The following TDRD12 variants were observed in gnomAD, a reference collection of about 807,000 sequenced individuals.
The protein encoded by TDRD12 is putative ATP-dependent RNA helicase TDRD12.
In TDRD12, 158 loss-of-function variants were observed where a neutral mutation model predicts 133.5. The ratio of observed to expected loss-of-function variants is 1.18; its 90% CI spans 1.04 to 1.35. The LOEUF (loss-of-function observed/expected upper bound fraction) is 1.35. Ranked by LOEUF, TDRD12 falls within the 40% of genes most tolerant of loss-of-function variation. TDRD12 has a pLI of 0.00. For missense variants in TDRD12, 1,443 were observed against 1,321.3 expected (o/e 1.09, Z -1.43); for synonymous variants, 460 against 477.9 (o/e 0.96, Z 0.49).
chr19:32,792,828 A>C (rs980975833), intron 13 of TDRD12, among the ~76,000 whole-genome samples: 6 of 152,222 alleles, frequency 3.9e-5, no homozygotes, highest in African/African-American at 1.2e-4. Context: ...CTGGTCCTAC[A>C]CACTGGACCA....
chr19:32,721,864 C>G lies in TDRD12; in HGVS notation c.24+1768C>G, dbSNP rs191486610. On this transcript the variant is annotated intron_variant, in intron 1 of 27. Transcript: ENST00000444215. ...CTGGGACTACAGGCGGCCACCACCA[C>G]GCCTGGCTAATTTTTTTTTTTTTTT... is the stretch of plus-strand genomic sequence containing the variant. 8.6e-3 allele frequency among the ~76,000 whole-genome samples: 1,293 copies of G among 151,022 alleles called. 40 individuals carry two copies. In the East Asian group the frequency reaches 0.1, roughly 12 times the overall value.
chr19:32,822,290 G>C (rs1350227124), downstream of TDRD12, among the ~76,000 whole-genome samples: 2 of 152,234 alleles, frequency 1.3e-5, no homozygotes, highest in African/African-American at 4.8e-5. Flanking sequence ...ATATTAGCCA[G>C]CTGTGGTGGC....
At chr19:32,802,717 C>A in exon 20 of TDRD12, 2 of 1,536,436 alleles carry the variant, frequency 1.3e-6, no homozygotes, top group South Asian at 1.2e-5. Flanking sequence ...TGATTCACTT[C>A]AGTTTCCCTG....
rs551696843 is a variant in TDRD12 at position 32,790,564 on chromosome 19, A to T, written c.1155A>T (p.Arg385Ser). 247 of 1,551,970 alleles carry T rather than the reference A, an allele frequency of 1.6e-4. No individual in the cohort carries two copies. Among genetic ancestry groups the T allele is most frequent in the Non-Finnish European group, 2.1e-4 (237 of 1,147,054 alleles). The change falls in exon 12 of 28, where the codon AGA (arginine) becomes AGT (serine). Residue 385 changes from arginine (R) to serine (S), a missense_variant. Transcript: ENST00000444215. ...AGTTTTTAAATCCTGATCCTTTGAG[A>T]GCTGACGGAATCTCTGATCTCCAGC... is the stretch of plus-strand genomic sequence containing the variant.
intron 6 of TDRD12, among the ~76,000 whole-genome samples, chr19:32,753,071 C>T (rs148726859): frequency 4.6e-5 from 7 of 152,064 alleles, no homozygotes; most frequent in Non-Finnish European, 8.8e-5. Flanking sequence ...GGATTACAGG[C>T]GTGAGCCACC....
intron 11 of TDRD12, among the ~76,000 whole-genome samples, chr19:32,782,460 AT>A (rs1257055457): frequency 1.3e-5 from 2 of 152,218 alleles, no homozygotes; most frequent in East Asian, 3.8e-4. Flanking sequence ...AGAATGATTT[AT>A]AATCCTTTGG....
intron 1 of TDRD12, among the ~76,000 whole-genome samples, chr19:32,727,128 A>G (rs746107242): frequency 2.6e-5 from 4 of 152,122 alleles, no homozygotes; most frequent in Non-Finnish European, 5.9e-5. Flanking sequence ...CTTCCAGCAC[A>G]CTGAATTTTC....
chr19:32,725,460 A>G (rs954716392), intron 1 of TDRD12, among the ~76,000 whole-genome samples: 2 of 152,128 alleles, frequency 1.3e-5, no homozygotes, highest in Admixed American at 1.3e-4. Context: ...AGCACCATTT[A>G]TTAAATAGGG....
rs528655910 is a variant in TDRD12 at position 32,790,563 on chromosome 19, G to A, written c.1154G>A (p.Arg385Lys). The A allele has an allele frequency of 1.6e-4, 247 of 1,551,904 alleles. No individual in the cohort carries two copies. Among genetic ancestry groups the A allele is most frequent in the Non-Finnish European group, 2.1e-4 (237 of 1,147,060 alleles). Residue 385 changes from arginine (R) to lysine (K), a missense_variant, in exon 12 of 28, where the codon AGA becomes AAA. Transcript: ENST00000444215. ...CAGTTTTTAAATCCTGATCCTTTGA[G>A]AGCTGACGGAATCTCTGATCTCCAG...
chr19:32,823,237 A>T (rs544469066), downstream of TDRD12, among the ~76,000 whole-genome samples: 1 of 152,168 alleles, frequency 6.6e-6, no homozygotes, highest in African/African-American at 2.4e-5. Context: ...GAGGATGGAG[A>T]GTGTGGGAGG....
At position 32,757,024 on chromosome 19, in the gene TDRD12, A is replaced by T. The variant is rs1970014486; in HGVS notation, c.773-14A>T. The T allele has an allele frequency of 6.5e-7, 1 of 1,545,404 alleles. No individual in the cohort carries two copies. The highest frequency in any genetic ancestry group is 1.4e-5 in the African/African-American group (1 of 73,032). On this transcript the variant is annotated splice_polypyrimidine_tract_variant and intron_variant, in intron 7 of 27. Coordinates refer to ENST00000444215, the Ensembl canonical transcript of TDRD12. ...ATTTCATGCTTTAATTCTGAAATTT[A>T]TTCTTTCTATCAGATTCACATGGTG...
At position 32,731,926 on chromosome 19, in the gene TDRD12, C is replaced by T. The variant is rs1329325442; in HGVS notation, c.183+43C>T. On this transcript the variant is annotated intron_variant, in intron 2 of 27. Coordinates refer to ENST00000444215, the Ensembl canonical transcript of TDRD12. ...CTTTAATCACTGTGTATTGAAACAC[C>T]ACTCAAAATATAAACTATTTTGGCA... 7 of 1,466,062 alleles carry T rather than the reference C, an allele frequency of 4.8e-6. No homozygotes were observed. The South Asian group carries it at 9.6e-5, about 20-fold the overall frequency. 90.8% of individuals were successfully genotyped at this position (1,466,062 alleles called of 1,614,324 possible).
intron 13 of TDRD12, among the ~76,000 whole-genome samples, chr19:32,793,854 G>T (rs1448493931): frequency 2.1e-5 from 3 of 141,674 alleles, no homozygotes; most frequent in Non-Finnish European, 3.0e-5. Context: ...GAGTGCAATG[G>T]CATGATCTCG....
intron 8 of TDRD12, among the ~76,000 whole-genome samples, chr19:32,758,368 G>A (rs1282703426): frequency 6.6e-6 from 1 of 152,108 alleles, no homozygotes; most frequent in African/African-American, 2.4e-5. Flanking sequence ...GGTGGGTATA[G>A]CAGTGTAGAA....
At position 32,794,182 on chromosome 19, in the gene TDRD12, C is replaced by T. The variant is rs186541560; in HGVS notation, c.1288-446C>T. Among the ~76,000 whole-genome samples, 426 of 143,266 alleles carry T rather than the reference C, an allele frequency of 3.0e-3. 2 individuals carry two copies. Among genetic ancestry groups the T allele is most frequent in the Middle Eastern group, 0.011 (3 of 264 alleles). The allele number at this position is 143,266 out of a possible 152,430, so 94.0% of individuals were successfully genotyped here. A position where few individuals can be genotyped will look rare whatever the true frequency, so the allele number is the denominator to read the frequency against. On this transcript the variant is annotated intron_variant, in intron 13 of 27. Transcript: ENST00000444215. The stretch of plus-strand genomic sequence containing the variant: ...GTGCAGTGGCACAGTCTTGGCTTAC[C>T]GCATCCTCTGCCTCCTGTGTTCAAG...
At chr19:32,725,608 G>A (rs1338923074) in intron 1 of TDRD12, among the ~76,000 whole-genome samples, 1 of 152,104 alleles carries the variant, frequency 6.6e-6, no homozygotes, top group Non-Finnish European at 1.5e-5. Context: ...TGCTGTTTTG[G>A]TTACTGTAGC....
chr19:32,746,136 C>G (rs1434551945), intron 4 of TDRD12, among the ~76,000 whole-genome samples: 37 of 72,980 alleles, frequency 5.1e-4, no homozygotes, highest in South Asian at 1.4e-3. Context: ...GTGAGAGAGA[C>G]GGGGAGAGAG....
At chr19:32,805,225 A>G (rs960361425) in intron 21 of TDRD12, among the ~76,000 whole-genome samples, 7 of 146,500 alleles carry the variant, frequency 4.8e-5, no homozygotes, top group African/African-American at 7.6e-5. Flanking sequence ...ACACACATAT[A>G]TATATATATA....
intron 6 of TDRD12, among the ~76,000 whole-genome samples, chr19:32,750,991 C>T (rs1281706018): frequency 1.3e-5 from 2 of 151,954 alleles, no homozygotes; most frequent in East Asian, 3.9e-4. Flanking sequence ...GCAGGATGTG[C>T]AGGTTTGTTA....
Sources: gnomAD v4.1 joint callset for allele counts (sites outside exome capture counted in the v4.1 genomes callset) on GRCh38, gnomAD v4.1.1 for gene constraint, MANE v1.5 for transcripts, NCBI Gene and HGNC (gene_info 2026-07-23, HGNC 2026-07-21) for gene names.